The following PRKCSH variants were observed in gnomAD, a reference collection of about 807,000 sequenced individuals.
PRKCSH encodes glucosidase 2 subunit beta.
In PRKCSH, 42 loss-of-function variants were observed where a neutral mutation model predicts 79.7. That is an observed-to-expected ratio of 0.53 (90% CI 0.41 to 0.68). The LOEUF (loss-of-function observed/expected upper bound fraction) is 0.68. Among genes scored for constraint, PRKCSH ranks in the 30% least tolerant of loss-of-function variants. The pLI is 0.00. For synonymous variants in PRKCSH, 325 were observed against 288.2 expected (o/e 1.13, Z -1.29); for missense variants, 686 against 709.0 (o/e 0.97, Z 0.37).
At chr19:11,444,869 A>G (rs1046004761) in intron 7 of PRKCSH, among the ~76,000 whole-genome samples, 1 of 149,300 alleles carries the variant, frequency 6.7e-6, no homozygotes, top group South Asian at 2.1e-4. Flanking sequence ...CTGCCCCGAC[A>G]TGCCTCTGCC....
Position 11,445,472 on chromosome 19 carries a change from A to C in PRKCSH, c.682A>C (p.Thr228Pro). The C allele has an allele frequency of 1.9e-6, 3 of 1,613,740 alleles. No homozygotes were observed. Among genetic ancestry groups the C allele is most frequent in the Non-Finnish European group, 2.5e-6 (3 of 1,179,844 alleles). ...FKELDDDMDG[T>P]VSVTELQTHP... ...GGAGCTGGATGATGACATGGACGGG[A>C]CGTGAGTGTCCCCTAGTTGGAGCTG... The change falls in exon 8 of 18, where the codon ACG becomes CCG. Residue 228 changes from threonine (T) to proline (P), a missense_variant and splice_region_variant. By Grantham distance (38) the Thr-to-Pro change is conservative (BLOSUM62 -1). This residue lies in a region of PRKCSH where 549 missense variants were observed against 520.2 expected (regional missense o/e 1.06). Transcript: ENST00000677123.
rs750513897 is a variant in PRKCSH, at chr19:11,449,247, C to T, written c.1462-19C>T. 1.2e-6 allele frequency: 2 copies of T among 1,613,696 alleles called. No homozygotes were observed. The highest frequency in any genetic ancestry group is 2.2e-5 in the South Asian group (2 of 91,086). Reference sequence around the variant, plus strand: ...TGGCCCAGCCGAACCCTCTCGAGCACCCGTCTGCCCATCCCCAGGTGCGCC... The same window carrying T: ...TGGCCCAGCCGAACCCTCTCGAGCATCCGTCTGCCCATCCCCAGGTGCGCC... On this transcript the variant is annotated intron_variant, in intron 16 of 17. Coordinates refer to ENST00000677123, the MANE Select transcript of PRKCSH (RefSeq NM_001289104.2). The surrounding 1 kb of genome is among the most constrained non-coding windows in gnomAD (Gnocchi z 6.4).
In PRKCSH at chr19:11,436,122, T is replaced by C; in HGVS notation, c.5T>C (p.Leu2Pro). 6.2e-7 allele frequency: 1 copy of C among 1,608,846 alleles called. No individual in the cohort carries two copies. The highest frequency in any genetic ancestry group is 8.5e-7 in the Non-Finnish European group (1 of 1,179,714). The stretch of plus-strand genomic sequence containing the variant: ...GGCCTCAGAGCGTCTGGTGAGATGC[T>C]GTTGCCGCTGCTGCTGCTGCTACCC... M[L>P]LPLLLLLPMC... Residue 2 changes from leucine to proline, a missense_variant, in exon 2 of 18, where the codon CTG becomes CCG. Physicochemically the swap from Leu to Pro is moderately conservative, Grantham distance 98. Transcript: ENST00000677123.
chr19:11,437,969 G>C lies in PRKCSH; in HGVS notation c.290G>C (p.Cys97Ser). 6.2e-7 allele frequency: 1 copy of C among 1,614,138 alleles called. No individual in the cohort carries two copies. The highest frequency in any genetic ancestry group is 8.5e-7 in the Non-Finnish European group (1 of 1,179,978). The change falls in exon 4 of 18, where the codon TGT becomes TCT. Residue 97 changes from cysteine to serine, a missense_variant and splice_region_variant. This residue lies in a region of PRKCSH where 549 missense variants were observed against 520.2 expected (regional missense o/e 1.06). Transcript: ENST00000677123. ...TCCAACCGGGTCAACGATGGTGTTT[G>C]TGGTAAGTGAAGATGCACCAGGATT... ...IPSNRVNDGV[C>S]DCCDGTDEYN...
Position 11,447,262 on chromosome 19 carries a change from C to T in PRKCSH, c.849+102C>T, listed in dbSNP as rs1218996332. ...TGGTTCTGGCACCTGGCCACCCTGG[C>T]CAGCTGGGTGGCCCCAGCACCCCCC... On this transcript the variant is annotated intron_variant, in intron 10 of 17. Coordinates refer to ENST00000677123, the MANE Select transcript of PRKCSH (RefSeq NM_001289104.2). This position sits in a 1 kb window ranked among gnomAD's most constrained non-coding sequence, Gnocchi z 5.6. 5 of 1,435,354 alleles carry T rather than the reference C, an allele frequency of 3.5e-6. No homozygotes were observed. The highest frequency in any genetic ancestry group is 1.9e-6 in the Non-Finnish European group (2 of 1,037,490). 88.9% of individuals were successfully genotyped at this position (1,435,354 alleles called of 1,614,324 possible).
chr19:11,438,848 G>A, intron 5 of PRKCSH, among the ~76,000 whole-genome samples: 1 of 151,798 alleles, frequency 6.6e-6, no homozygotes, highest in East Asian at 1.9e-4. Context: ...TAGGGGAACA[G>A]CTGTTCTCAA....
intron 7 of PRKCSH, 57 bp from the exon 8 acceptor site, chr19:11,445,332 G>C: frequency 1.9e-6 from 3 of 1,560,796 alleles, no homozygotes; most frequent in Non-Finnish European, 2.6e-6. Flanking sequence ...TGTGGGGTGC[G>C]GGGGCTGATG....
Position 11,448,152 on chromosome 19 carries a change from C to A in PRKCSH, c.1127-70C>A. On this transcript the variant is annotated intron_variant, in intron 12 of 17. Transcript: ENST00000677123. This position sits in a 1 kb window ranked among gnomAD's most constrained non-coding sequence, Gnocchi z 4.4. Reference sequence around the variant, plus strand: ...AGGGTATGGGAGCACACAGCCACATCCATGGAACCCCGTTCCCCATCCTCC... The same window carrying A: ...AGGGTATGGGAGCACACAGCCACATACATGGAACCCCGTTCCCCATCCTCC... The A allele has an allele frequency of 6.8e-7, 1 of 1,462,264 alleles. No homozygotes were observed. Among genetic ancestry groups the A allele is most frequent in the Non-Finnish European group, 9.4e-7 (1 of 1,066,606 alleles). The allele number at this position is 1,462,264 out of a possible 1,614,324, so 90.6% of individuals were successfully genotyped here.
Position 11,449,109 on chromosome 19 carries a change from C to A in PRKCSH, c.1395C>A (p.Asp465Glu). Residue 465 changes from aspartate to glutamate, a missense_variant, in exon 16 of 18, where the codon GAC becomes GAA. By Grantham distance (45) the Asp-to-Glu change is conservative. Transcript: ENST00000677123. The surrounding 1 kb of genome is among the most constrained non-coding windows in gnomAD (Gnocchi z 6.4). ...TWGSWIGPDH[D>E]KFSAMKYEQG... ...GCTCATGGATTGGCCCCGACCACGA[C>A]AAGTTCAGTGCCATGAAGTATGAGC... 3.1e-6 allele frequency: 5 copies of A among 1,613,790 alleles called. No homozygotes were observed. The highest frequency in any genetic ancestry group is 4.2e-6 in the Non-Finnish European group (5 of 1,180,026).
Position 11,449,708 on chromosome 19 carries a change from A to C in PRKCSH, c.*16+280A>C. On this transcript the variant is annotated intron_variant, in intron 17 of 17. Coordinates refer to ENST00000677123, the MANE Select transcript of PRKCSH (RefSeq NM_001289104.2). This position sits in a 1 kb window ranked among gnomAD's most constrained non-coding sequence, Gnocchi z 6.4. ...CAGGTGTGCACCACCATGCCTGGCT[A>C]ATTTTTAGTAGAGATGGGGTTTCAC... 1 of 451,976 alleles carries C rather than the reference A, an allele frequency of 2.2e-6. No individual in the cohort carries two copies. Among genetic ancestry groups the C allele is most frequent in the Non-Finnish European group, 4.1e-6 (1 of 244,204 alleles). 28.0% of individuals were successfully genotyped at this position (451,976 alleles called of 1,614,324 possible). A position where few individuals can be genotyped will look rare whatever the true frequency, so the allele number is the denominator to read the frequency against.
rs1255749001 is a variant in PRKCSH, at chr19:11,447,602, A to G, written c.1013A>G (p.Gln338Arg). The G allele has an allele frequency of 1.9e-6, 3 of 1,589,078 alleles. No individual in the cohort carries two copies. The South Asian group carries it at 3.4e-5, about 18-fold the overall frequency. ...GAGGAGGAGGAGGATTCCGAGGTGCAGGGGGAGCAGCCCAAGGTCCGTGTT... is the reference window on the plus strand; with the variant it reads ...GAGGAGGAGGAGGATTCCGAGGTGCGGGGGGAGCAGCCCAAGGTCCGTGTT... Reference protein sequence around the residue: ...EEEEEEDSEVQGEQPKEAPPP... With the variant: ...EEEEEEDSEVRGEQPKEAPPP... The change falls in exon 11 of 18, where the codon CAG becomes CGG. Residue 338 changes from glutamine to arginine, a missense_variant. Physicochemically the swap from Gln to Arg is conservative, Grantham distance 43 (BLOSUM62 1). Transcript: ENST00000677123. The surrounding 1 kb of genome is among the most constrained non-coding windows in gnomAD (Gnocchi z 5.6).
chr19:11,439,306 C>G (rs1341310972), intron 5 of PRKCSH, among the ~76,000 whole-genome samples: 4 of 152,042 alleles, frequency 2.6e-5, no homozygotes, highest in Non-Finnish European at 4.4e-5. Context: ...CATGGTGGCT[C>G]CTGCCTGTAA....
In PRKCSH at chr19:11,449,578, T is replaced by C. The variant is rs1970496312; in HGVS notation, c.*16+150T>C. ...GTTTTTTTGAGGTGGAGTCTCACTC[T>C]TTGGCCCAGGCTGGAGTGCAGTGAT... On this transcript the variant is annotated intron_variant, in intron 17 of 17. Coordinates refer to ENST00000677123, the MANE Select transcript of PRKCSH (RefSeq NM_001289104.2). This position sits in a 1 kb window ranked among gnomAD's most constrained non-coding sequence, Gnocchi z 6.4. The C allele has an allele frequency of 9.2e-7, 1 of 1,082,736 alleles. No homozygotes were observed. The allele number at this position is 1,082,736 out of a possible 1,614,324, so 67.1% of individuals were successfully genotyped here. A position where few individuals can be genotyped will look rare whatever the true frequency, so the allele number is the denominator to read the frequency against.
In PRKCSH at chr19:11,447,125, G is replaced by A. The variant is rs754485123; in HGVS notation, c.814G>A (p.Val272Ile). Residue 272 changes from valine (V) to isoleucine (I), a missense_variant, in exon 10 of 18, where the codon GTC becomes ATC. By Grantham distance (29) the Val-to-Ile change is conservative. Transcript: ENST00000677123. This position sits in a 1 kb window ranked among gnomAD's most constrained non-coding sequence, Gnocchi z 5.6. The part of the protein sequence containing the change: ...QTDATSFYDR[V>I]WAAIRDKYRS... ...AGACGCCACCTCTTTCTACGACCGC[G>A]TCTGGGCCGCCATCAGGGACAAGTA... 20 of 1,613,978 alleles carry A rather than the reference G, an allele frequency of 1.2e-5. 1 individual carries two copies. The highest frequency in any genetic ancestry group is 1.6e-4 in the Middle Eastern group (1 of 6,062).
At chr19:11,446,243 T>A in intron 8 of PRKCSH, 29 bp from the exon 9 acceptor site, 1 of 1,609,496 alleles carries the variant, frequency 6.2e-7, no homozygotes, top group Non-Finnish European at 8.5e-7. Flanking sequence ...GCCTCACCCC[T>A]CCAGTCTGCT....
intron 3 of PRKCSH, 61 bp downstream of exon 3, chr19:11,436,566 T>C: frequency 2.2e-6 from 3 of 1,337,780 alleles, no homozygotes; most frequent in African/African-American, 1.4e-5. Context: ...TGCCAGGCCC[T>C]GTCTGTGTGA....
chr19:11,446,460 C>T, intron 9 of PRKCSH, 110 bp downstream of exon 9: 2 of 1,294,822 alleles, frequency 1.5e-6, no homozygotes, highest in South Asian at 1.3e-5. Context: ...TGGGATGCCT[C>T]CTCTGGGTGA....
intron 5 of PRKCSH, among the ~76,000 whole-genome samples, chr19:11,439,113 G>C (rs542128253): frequency 6.6e-6 from 1 of 152,138 alleles, no homozygotes; most frequent in South Asian, 2.1e-4. Context: ...CACTATGTTG[G>C]CCAGGCTGGC....
intron 7 of PRKCSH, among the ~76,000 whole-genome samples, chr19:11,443,341 A>AT (rs1166255824): frequency 1.3e-5 from 2 of 151,914 alleles, no homozygotes; most frequent in East Asian, 3.9e-4. Context: ...AGGTCAGGAG[A>AT]TTGAGACCAT....
Sources: allele counts gnomAD v4.1 joint callset (sites outside exome capture counted in the v4.1 genomes callset), GRCh38; gene constraint gnomAD v4.1.1; regional missense constraint gnomAD v4.1.1; non-coding constraint Gnocchi (gnomAD v3.1); transcripts MANE v1.5; gene names NCBI Gene and HGNC (gene_info 2026-07-23, HGNC 2026-07-21).